Variants in GNAZ observed in about 807,000 individuals in gnomAD.
GNAZ encodes guanine nucleotide-binding protein G(z) subunit alpha.
Under a neutral mutation model 25.4 loss-of-function variants are expected in GNAZ, and 3 were observed. The ratio of observed to expected loss-of-function variants is 0.12; its 90% CI spans 0.05 to 0.30. GNAZ has a LOEUF of 0.30. Ranked by LOEUF, GNAZ falls within the 10% of genes least tolerant of loss-of-function variation. The pLI, the probability that GNAZ is intolerant of heterozygous loss-of-function variation, is 1.00. For synonymous variants in GNAZ, 211 were observed against 205.7 expected, an observed-to-expected ratio of 1.03 and a Z score of -0.22; for missense variants, 241 against 501.8, an observed-to-expected ratio of 0.48 and a Z score of 4.97.
At chr22:23,122,738 G>A (rs2070066528) in intron 2 of GNAZ, 3 of 299,368 alleles carry the variant, frequency 1.0e-5, no homozygotes, top group Admixed American at 4.5e-5. Context: ...GTGGGAAGAT[G>A]GGGGGTCCTC....
intron 2 of GNAZ, among the ~76,000 whole-genome samples, chr22:23,098,775 G>A (rs537180400): frequency 3.3e-5 from 5 of 152,334 alleles, no homozygotes; most frequent in East Asian, 1.9e-4. Flanking sequence ...ATCCCCTCCC[G>A]CGATTCCTCC....
chr22:23,114,129 G>A (rs2069743655), intron 2 of GNAZ, among the ~76,000 whole-genome samples: 1 of 152,216 alleles, frequency 6.6e-6, no homozygotes, highest in East Asian at 1.9e-4. Context: ...CCTGGTACTC[G>A]GTGGCCCTGG....
At chr22:23,119,173 A>C (rs1451389424) in intron 2 of GNAZ, among the ~76,000 whole-genome samples, 2 of 152,046 alleles carry the variant, frequency 1.3e-5, no homozygotes, top group Non-Finnish European at 2.9e-5. Flanking sequence ...ACCTGTCTGC[A>C]CTCCAGGCTG....
At position 23,094,577 on chromosome 22, in the gene GNAZ, C is replaced by G. The variant is rs557166696; in HGVS notation, c.-449-670C>G. Among the ~76,000 whole-genome samples the G allele has an allele frequency of 3.5e-3, 540 of 152,340 alleles. 2 individuals carry two copies. Among genetic ancestry groups the G allele is most frequent in the Middle Eastern group, 0.014 (4 of 294 alleles). On this transcript the variant is annotated intron_variant, in intron 1 of 2. Transcript: ENST00000615612. ...GCTCCTTGGTCTCAGCCCAAGCCCC[C>G]CTCTACCTCCTTCTGCAGGAGTGAG...
chr22:23,093,440 G>T (rs1376381805), intron 1 of GNAZ, among the ~76,000 whole-genome samples: 5 of 152,218 alleles, frequency 3.3e-5, no homozygotes, highest in African/African-American at 1.2e-4. Context: ...GCCAGGACGG[G>T]CCCTCCTCAC....
intron 1 of GNAZ, among the ~76,000 whole-genome samples, chr22:23,083,466 G>A (rs929556888): frequency 6.6e-6 from 1 of 152,098 alleles, no homozygotes; most frequent in African/African-American, 2.4e-5. Context: ...GGAAGCTTCC[G>A]AGCTCTGTAC....
chr22:23,113,552 G>A (rs1220019471), intron 2 of GNAZ, among the ~76,000 whole-genome samples: 10 of 152,238 alleles, frequency 6.6e-5, no homozygotes, highest in Non-Finnish European at 1.3e-4. Flanking sequence ...GGTTGCAAGC[G>A]AATAAGCTAT....
At chr22:23,099,118 A>C (rs1601799045) in intron 2 of GNAZ, among the ~76,000 whole-genome samples, 1 of 150,400 alleles carries the variant, frequency 6.6e-6, no homozygotes, top group Non-Finnish European at 1.5e-5. Flanking sequence ...GTGCCTCCCC[A>C]CCCCCACGCC....
chr22:23,113,872 C>G (rs1434774262), intron 2 of GNAZ, among the ~76,000 whole-genome samples: 1 of 152,240 alleles, frequency 6.6e-6, no homozygotes. Flanking sequence ...TCAGTGCCAG[C>G]CAAGGGCAGG....
Position 23,095,514 on chromosome 22 carries a change from A to G in GNAZ, c.-182A>G. On this transcript the variant is annotated 5_prime_UTR_variant, in exon 2 of 3. An upstream start codon of the reference 5' UTR is lost. Transcript: ENST00000615612. ...GCCACCGCCCGCTGCACAGAGCGCC[A>G]TGCCGGCTGGAGAAGAGGCGCTGGG... The G allele has an allele frequency of 1.5e-6, 1 of 653,830 alleles. No homozygotes were observed. The highest frequency in any genetic ancestry group is 2.6e-6 in the Non-Finnish European group (1 of 385,990). The allele number at this position is 653,830 out of a possible 1,614,324, so 40.5% of individuals were successfully genotyped here.
chr22:23,075,572 A>G (rs3788341), intron 1 of GNAZ, among the ~76,000 whole-genome samples: 63,348 of 152,106 alleles, frequency 0.42, 14,407 homozygotes, highest in East Asian at 0.6. Context: ...AAATTAAGGT[A>G]TAACTCTCTT....
At chr22:23,105,686 T>C (rs1341565955) in intron 2 of GNAZ, among the ~76,000 whole-genome samples, 1 of 152,252 alleles carries the variant, frequency 6.6e-6, no homozygotes, top group Admixed American at 6.5e-5. Context: ...TGGCCAGGCC[T>C]GTGTCTGTGT....
chr22:23,110,131 C>T (rs2069604751), intron 2 of GNAZ, among the ~76,000 whole-genome samples: 1 of 152,202 alleles, frequency 6.6e-6, no homozygotes, highest in South Asian at 2.1e-4. Context: ...GGAGGATGAC[C>T]AGGCCTGAGG....
chr22:23,117,683 C>T (rs1208298121), intron 2 of GNAZ, among the ~76,000 whole-genome samples: 2 of 152,222 alleles, frequency 1.3e-5, no homozygotes, highest in African/African-American at 4.8e-5. Context: ...CCCGTGTCAG[C>T]ACCTTTGTGC....
intron 2 of GNAZ, among the ~76,000 whole-genome samples, chr22:23,102,249 G>A (rs1340339628): frequency 2.0e-5 from 3 of 152,238 alleles, no homozygotes; most frequent in Non-Finnish European, 2.9e-5. Context: ...CTCGCCTAGG[G>A]TCCCAGGCTT....
intron 1 of GNAZ, among the ~76,000 whole-genome samples, chr22:23,076,397 C>T (rs973082299): frequency 9.9e-5 from 15 of 152,182 alleles, no homozygotes; most frequent in Non-Finnish European, 2.2e-4. Context: ...CTGTCCAGCC[C>T]CTTTTGCCCT....
intron 2 of GNAZ, among the ~76,000 whole-genome samples, chr22:23,121,675 T>G (rs2070027817): frequency 6.6e-6 from 1 of 152,020 alleles, no homozygotes; most frequent in East Asian, 1.9e-4. Context: ...AGTTACCACT[T>G]GCATTACCAC....
At chr22:23,096,623 T>C (rs1221337731) in intron 2 of GNAZ, among the ~76,000 whole-genome samples, 1 of 152,056 alleles carries the variant, frequency 6.6e-6, no homozygotes, top group Non-Finnish European at 1.5e-5. Context: ...GTCCCATGCC[T>C]GAAGTACTCA....
intron 2 of GNAZ, among the ~76,000 whole-genome samples, chr22:23,106,111 C>T (rs956646012): frequency 2.0e-5 from 3 of 152,296 alleles, no homozygotes; most frequent in African/African-American, 7.2e-5. Flanking sequence ...ACGTGACTCC[C>T]GCCACATATC....
Sources: gnomAD v4.1 joint callset for allele counts (sites outside exome capture counted in the v4.1 genomes callset) on GRCh38, gnomAD v4.1.1 for gene constraint, MANE v1.5 for transcripts, NCBI Gene and HGNC (gene_info 2026-07-23, HGNC 2026-07-21) for gene names.